Variants in GPR158 observed in about 807,000 individuals in gnomAD.
GPR158 encodes the protein G protein-coupled receptor 158.
Under a neutral mutation model 78.2 loss-of-function variants are expected in GPR158, and 30 were observed. The ratio of observed to expected loss-of-function variants is 0.38; its 90% CI spans 0.29 to 0.52. The LOEUF is 0.52. Ranked by LOEUF, GPR158 falls within the 20% of genes least tolerant of loss-of-function variation. GPR158 has a pLI of 0.83. For missense variants in GPR158, 1,463 were observed against 1,523.5 expected, an observed-to-expected ratio of 0.96 and a Z score of 0.66; for synonymous variants, 581 against 591.1, an observed-to-expected ratio of 0.98 and a Z score of 0.25.
intron 2 of GPR158, among the ~76,000 whole-genome samples, chr10:25,376,763 T>C (rs1463409718): frequency 6.6e-6 from 1 of 151,776 alleles, no homozygotes; most frequent in Non-Finnish European, 1.5e-5. Context: ...TTTTATAGTG[T>C]ATACATCCTG....
chr10:25,361,821 C>T (rs551116447), intron 2 of GPR158, among the ~76,000 whole-genome samples: 1 of 151,944 alleles, frequency 6.6e-6, no homozygotes, highest in African/African-American at 2.4e-5. Flanking sequence ...TATAGGACTT[C>T]TTTATATATT....
At chr10:25,362,413 C>T (rs536430931) in intron 2 of GPR158, among the ~76,000 whole-genome samples, 2 of 151,376 alleles carry the variant, frequency 1.3e-5, no homozygotes, top group Non-Finnish European at 3.0e-5. Flanking sequence ...TTTTTTTCTT[C>T]AATATTTTCT....
At chr10:25,396,536 C>T (rs765005988) in intron 3 of GPR158, among the ~76,000 whole-genome samples, 8 of 152,148 alleles carry the variant, frequency 5.3e-5, no homozygotes, top group South Asian at 2.1e-4. Context: ...TAGTGGCTCA[C>T]GCTTGTAATC....
At chr10:25,211,356 C>T (rs1050323904) in intron 1 of GPR158, among the ~76,000 whole-genome samples, 5 of 152,070 alleles carry the variant, frequency 3.3e-5, no homozygotes, top group Non-Finnish European at 5.9e-5. Flanking sequence ...CTCACAATTC[C>T]GGAGGCCAGG....
At chr10:25,545,503 T>G (rs1362253859) in intron 5 of GPR158, among the ~76,000 whole-genome samples, 3 of 152,234 alleles carry the variant, frequency 2.0e-5, no homozygotes, top group African/African-American at 7.2e-5. Flanking sequence ...CATAAATGTT[T>G]TCTTTGGAAA....
At chr10:25,179,179 T>C (rs1299598598) in intron 1 of GPR158, among the ~76,000 whole-genome samples, 1 of 152,232 alleles carries the variant, frequency 6.6e-6, no homozygotes, top group Non-Finnish European at 1.5e-5. Context: ...ATCTAAGATA[T>C]GCATTCTAAA....
chr10:25,506,746 A>G (rs1335981353), intron 5 of GPR158, among the ~76,000 whole-genome samples: 1 of 152,258 alleles, frequency 6.6e-6, no homozygotes, highest in African/African-American at 2.4e-5. Context: ...ATGAGTATGC[A>G]GTACTCTGAT....
intron 2 of GPR158, among the ~76,000 whole-genome samples, chr10:25,240,966 A>C (rs976327279): frequency 1.3e-5 from 2 of 152,178 alleles, no homozygotes; most frequent in Admixed American, 1.3e-4. Context: ...CTTAAGATGG[A>C]TTCCTCTTGT....
chr10:25,209,729 C>CT (rs1853101708), intron 1 of GPR158, among the ~76,000 whole-genome samples: 1 of 152,170 alleles, frequency 6.6e-6, no homozygotes, highest in African/African-American at 2.4e-5. Context: ...TGGCTTGTGA[C>CT]TTAAGTTTTA....
chr10:25,291,694 G>T (rs1317829481), intron 2 of GPR158, among the ~76,000 whole-genome samples: 2 of 151,846 alleles, frequency 1.3e-5, no homozygotes, highest in African/African-American at 4.8e-5. Context: ...AAACATATTT[G>T]CAATTCTAGA....
intron 4 of GPR158, among the ~76,000 whole-genome samples, chr10:25,465,734 CT>C (rs537469465): frequency 1.4e-4 from 21 of 152,200 alleles, no homozygotes; most frequent in African/African-American, 5.1e-4. Flanking sequence ...TGTGCATGTG[CT>C]TTTTTTACCC....
At chr10:25,252,508 C>G (rs1210323203) in intron 2 of GPR158, among the ~76,000 whole-genome samples, 1 of 151,110 alleles carries the variant, frequency 6.6e-6, no homozygotes, top group Non-Finnish European at 1.5e-5. Flanking sequence ...GATGTCCTTT[C>G]TGTTTGTTAG....
intron 5 of GPR158, 37 bp downstream of exon 5, chr10:25,466,756 A>G (rs1215875427): frequency 3.4e-6 from 4 of 1,170,958 alleles, no homozygotes; most frequent in South Asian, 2.6e-5. Flanking sequence ...GTAGAAATTT[A>G]TTTTATGTTG....
chr10:25,556,580 G>A (rs1036399530), intron 6 of GPR158, among the ~76,000 whole-genome samples: 1 of 152,122 alleles, frequency 6.6e-6, no homozygotes, highest in Admixed American at 6.5e-5. Flanking sequence ...ATTACTCATA[G>A]CGACATTTCT....
intron 4 of GPR158, among the ~76,000 whole-genome samples, chr10:25,461,881 G>T (rs1449669072): frequency 6.6e-6 from 1 of 151,898 alleles, no homozygotes; most frequent in East Asian, 1.9e-4. Context: ...ACAGGTGCCT[G>T]CCACCACGCC....
intron 4 of GPR158, among the ~76,000 whole-genome samples, chr10:25,459,422 A>C (rs1188369016): frequency 6.6e-6 from 1 of 152,162 alleles, no homozygotes. Flanking sequence ...CAACTATATA[A>C]AAGTATATTT....
At chr10:25,488,618 G>A (rs897689790) in intron 5 of GPR158, among the ~76,000 whole-genome samples, 1 of 152,100 alleles carries the variant, frequency 6.6e-6, no homozygotes, top group South Asian at 2.1e-4. Flanking sequence ...TCGTTTTGTG[G>A]AAAACTGCCT....
At chr10:25,471,835 C>T (rs1413507867) in intron 5 of GPR158, among the ~76,000 whole-genome samples, 6 of 151,836 alleles carry the variant, frequency 4.0e-5, no homozygotes, top group Non-Finnish European at 7.4e-5. Context: ...TACATTTGTT[C>T]GTATTCTTTG....
intron 2 of GPR158, among the ~76,000 whole-genome samples, chr10:25,323,683 C>CTTT (rs75076220): frequency 5.6e-5 from 8 of 142,742 alleles, no homozygotes; most frequent in Admixed American, 4.9e-4. Flanking sequence ...CCAGCTATTA[C>CTTT]TTTTTTTTTT....
Sources: allele counts gnomAD v4.1 joint callset (sites outside exome capture counted in the v4.1 genomes callset), GRCh38; gene constraint gnomAD v4.1.1; transcripts MANE v1.5; gene names NCBI Gene and HGNC (gene_info 2026-07-23, HGNC 2026-07-21).